Variants in AIFM2 observed in about 807,000 individuals in gnomAD.
AIFM2 encodes AIF family member 2, ferroptosis suppressor, also known as ferroptosis suppressor protein 1.
Under a neutral mutation model 35.7 loss-of-function variants are expected in AIFM2, and 38 were observed. That is an observed-to-expected ratio of 1.06 (90% CI 0.82 to 1.39). AIFM2 has a LOEUF of 1.39. AIFM2 is among the 40% of genes most tolerant of loss of function. The pLI, the probability that AIFM2 is intolerant of heterozygous loss-of-function variation, is 0.00. For synonymous variants in AIFM2, 185 were observed against 203.5 expected, an observed-to-expected ratio of 0.91 and a Z score of 0.77; for missense variants, 476 against 491.2, an observed-to-expected ratio of 0.97 and a Z score of 0.29.
intron 5 of AIFM2, among the ~76,000 whole-genome samples, chr10:70,118,631 C>CT (rs1004306585): frequency 6.6e-6 from 1 of 152,146 alleles, no homozygotes; most frequent in Non-Finnish European, 1.5e-5. Flanking sequence ...GTTACTTGAA[C>CT]TTTTTTACTA....
intron 1 of AIFM2, among the ~76,000 whole-genome samples, chr10:70,129,357 T>A (rs1335614674): frequency 1.3e-5 from 2 of 150,704 alleles, no homozygotes; most frequent in African/African-American, 2.4e-5. Flanking sequence ...CAGCCACGTT[T>A]TATATATATA....
At position 70,123,894 on chromosome 10, in the gene AIFM2, G is replaced by A. The variant is rs750196075; in HGVS notation, c.178+13C>T. 1.8e-5 allele frequency: 28 copies of A among 1,547,280 alleles called. No homozygotes were observed. Among genetic ancestry groups the A allele is most frequent in the Non-Finnish European group, 2.4e-5 (27 of 1,142,200 alleles). On this transcript the variant is annotated intron_variant, in intron 2 of 8. Coordinates refer to ENST00000307864, the MANE Select transcript of AIFM2 (RefSeq NM_032797.6). ...CCCCCTCACAGAGACAGCCCCAGAC[G>A]GGAGCACATTACCTGTCTCCACGGA...
intron 2 of AIFM2, 150 bp from the exon 3 acceptor site, chr10:70,123,670 T>C (rs2072534608): frequency 1.2e-6 from 1 of 811,174 alleles, no homozygotes; most frequent in East Asian, 2.7e-5. Flanking sequence ...GTACCCCTAC[T>C]TCCTAAAATG....
At chr10:70,115,404 C>CAT (rs1406289056) in intron 7 of AIFM2, among the ~76,000 whole-genome samples, 2 of 151,092 alleles carry the variant, frequency 1.3e-5, no homozygotes, top group Non-Finnish European at 1.5e-5. Flanking sequence ...TAGAAATGTA[C>CAT]ATAACTCTCA....
chr10:70,124,177 G>A (rs1018509940), intron 1 of AIFM2, 80 bp from the exon 2 acceptor site: 21 of 1,110,488 alleles, frequency 1.9e-5, no homozygotes, highest in East Asian at 3.1e-5. Flanking sequence ...GAGAGGCCTC[G>A]ATCATGAATT....
At chr10:70,132,513 G>C (rs1014162828) in intron 1 of AIFM2, among the ~76,000 whole-genome samples, 11 of 152,186 alleles carry the variant, frequency 7.2e-5, no homozygotes, top group Non-Finnish European at 1.5e-4. Context: ...CTTTGCCCTC[G>C]GCCAGGAGCA....
In AIFM2 at chr10:70,121,160, G is replaced by T; in HGVS notation, c.346C>A (p.Pro116Thr). The change falls in exon 4 of 9, where the codon CCG (proline) becomes ACG (threonine). Residue 116 changes from proline to threonine, a missense_variant. Transcript: ENST00000307864. The stretch of plus-strand genomic sequence containing the variant: ...CTGGAAACCTCATTAAACTTGCCCG[G>T]GAAGGGCCCAGTGCTGCCCGTGGCC... The part of the protein sequence containing the change: ...ILATGSTGPF[P>T]GKFNEVSSQQ... 6.2e-7 allele frequency: 1 copy of T among 1,609,052 alleles called. No homozygotes were observed. Among genetic ancestry groups the T allele is most frequent in the South Asian group, 1.1e-5 (1 of 90,998 alleles).
rs1262221277 is a variant in AIFM2, at chr10:70,126,777, C to T, written c.-13-2680G>A. On this transcript the variant is annotated intron_variant, in intron 1 of 8. Coordinates refer to ENST00000307864, the MANE Select transcript of AIFM2 (RefSeq NM_032797.6). ...TCTCCCCTGGGGGCGGACAGTAGAG[C>T]GGACGGAGGGCACTGACACAATGGA... Among the ~76,000 whole-genome samples, 4 of 152,134 alleles carry T rather than the reference C, an allele frequency of 2.6e-5. No individual in the cohort carries two copies. In the East Asian group the frequency reaches 5.8e-4, roughly 22 times the overall value.
In AIFM2 at chr10:70,131,973, GTCC is replaced by G. The variant is rs2072631565; in HGVS notation, c.-14+758_-14+760del. ...ATATCTGACTCTCTGCCCTATGCCT[GTCC>G]TCCTACAGGATCATCAGCCCCCAAG... is the stretch of plus-strand genomic sequence containing the variant. On this transcript the variant is annotated intron_variant, in intron 1 of 8. Transcript: ENST00000307864. This position sits in a 1 kb window ranked among gnomAD's most constrained non-coding sequence, Gnocchi z 4.1. 1.3e-5 allele frequency among the ~76,000 whole-genome samples: 2 copies of G among 152,154 alleles called. No individual in the cohort carries two copies. The highest frequency in any genetic ancestry group is 2.9e-5 in the Non-Finnish European group (2 of 68,020).
At chr10:70,114,876 C>T in intron 8 of AIFM2, 44 bp downstream of exon 8, 1 of 1,602,336 alleles carries the variant, frequency 6.2e-7, no homozygotes, top group South Asian at 1.1e-5. Flanking sequence ...CATGTTTAAC[C>T]CCAAACTCTA....
intron 5 of AIFM2, among the ~76,000 whole-genome samples, chr10:70,119,394 C>T (rs917086068): frequency 3.9e-5 from 6 of 152,074 alleles, no homozygotes; most frequent in African/African-American, 1.2e-4. Flanking sequence ...TGTTTGAAGT[C>T]GGGGCAGGAT....
At chr10:70,118,321 C>G (rs1004660251) in intron 5 of AIFM2, 1 of 167,616 alleles carries the variant, frequency 6.0e-6, no homozygotes, top group African/African-American at 2.4e-5. Flanking sequence ...CCAGGCATGT[C>G]TACTTGCTGT....
In AIFM2 at chr10:70,123,428, T is replaced by C. The variant is rs774088661; in HGVS notation, c.271A>G (p.Met91Val). The C allele has an allele frequency of 2.5e-6, 4 of 1,614,016 alleles. No individual in the cohort carries two copies. The highest frequency in any genetic ancestry group is 2.5e-6 in the Non-Finnish European group (3 of 1,179,998). Residue 91 changes from methionine (M) to valine (V), a missense_variant, in exon 3 of 9, where the codon ATG (methionine) becomes GTG (valine). By Grantham distance (21) the Met-to-Val change is conservative. Coordinates refer to ENST00000307864, the MANE Select transcript of AIFM2 (RefSeq NM_032797.6). ...LVVGIDLKNQMVLLQGGEALP... is the reference protein window; with the variant it reads ...LVVGIDLKNQVVLLQGGEALP... ...ACCTCGCCACCCTGCAGCAGCACCA[T>C]CTGGTTCTTCAGGTCTATCCCCACT...
At chr10:70,126,990 AG>A (rs1489397679) in intron 1 of AIFM2, among the ~76,000 whole-genome samples, 2 of 152,226 alleles carry the variant, frequency 1.3e-5, no homozygotes, top group Non-Finnish European at 2.9e-5. Context: ...GCTAATCCCA[AG>A]CGTACCTCAG....
chr10:70,129,123 C>T (rs1231060757), intron 1 of AIFM2, among the ~76,000 whole-genome samples: 5 of 132,810 alleles, frequency 3.8e-5, no homozygotes, highest in African/African-American at 1.3e-4. Flanking sequence ...CCTGAGCTGG[C>T]TAATTTTTTT....
intron 1 of AIFM2, among the ~76,000 whole-genome samples, chr10:70,129,728 A>T (rs1356127301): frequency 6.6e-6 from 1 of 152,080 alleles, no homozygotes; most frequent in African/African-American, 2.4e-5. Flanking sequence ...AGCATATGTC[A>T]TTTTTGCAGA....
chr10:70,122,109 A>T (rs569430173), intron 3 of AIFM2, among the ~76,000 whole-genome samples: 14 of 152,092 alleles, frequency 9.2e-5, no homozygotes, highest in Admixed American at 3.9e-4. Context: ...AATTAAAAAA[A>T]TTTTTTTTTA....
chr10:70,130,090 G>C (rs1487641533), intron 1 of AIFM2, among the ~76,000 whole-genome samples: 2 of 152,124 alleles, frequency 1.3e-5, no homozygotes, highest in African/African-American at 4.8e-5. Context: ...GGCTGAGGTG[G>C]GAGGATCGCT....
At chr10:70,124,231 T>C in intron 1 of AIFM2, 134 bp from the exon 2 acceptor site, 1 of 629,580 alleles carries the variant, frequency 1.6e-6, no homozygotes, top group Non-Finnish European at 2.3e-6. Context: ...GAAACTCCAA[T>C]TTTATAAAAT....
Sources: gnomAD v4.1 joint callset for allele counts (sites outside exome capture counted in the v4.1 genomes callset) on GRCh38, gnomAD v4.1.1 for gene constraint, Gnocchi (gnomAD v3.1) non-coding constraint, MANE v1.5 for transcripts, NCBI Gene and HGNC (gene_info 2026-07-23, HGNC 2026-07-21) for gene names.